PARN: variants seen among roughly 807,000 people sequenced by gnomAD.
The protein encoded by PARN is poly(A)-specific ribonuclease PARN.
Under a neutral mutation model 102.8 loss-of-function variants are expected in PARN, and 71 were observed. The observed-to-expected ratio is 0.69, with a 90% CI of 0.57 to 0.84. The LOEUF (loss-of-function observed/expected upper bound fraction) is 0.84, where lower values mean the gene tolerates loss of function less well. PARN is among the 40% of genes least tolerant of loss of function. The probability of loss-of-function intolerance (pLI) is 0.00; values close to 1 mark genes in which losing one functional copy is unlikely to be tolerated. For synonymous variants in PARN, 261 were observed against 252.9 expected (o/e 1.03, Z -0.30); for missense variants, 782 against 760.9 (o/e 1.03, Z -0.33).
rs567363541 is a variant in PARN, at chr16:14,595,800, G to A, written c.841-2422C>T. 3.0e-4 allele frequency among the ~76,000 whole-genome samples: 46 copies of A among 151,844 alleles called. 1 individual carries two copies. In the South Asian group the frequency reaches 9.6e-3, roughly 32 times the overall value. On this transcript the variant is annotated intron_variant, in intron 12 of 23. Coordinates refer to ENST00000437198, the MANE Select transcript of PARN (RefSeq NM_002582.4). ...CCCGCCTTGGCCTCTCAAAGTGCTG[G>A]GATTACAGGAGCGAGCCACCACACC...
intron 13 of PARN, among the ~76,000 whole-genome samples, chr16:14,589,496 T>G (rs1970041996): frequency 6.7e-6 from 1 of 149,812 alleles, no homozygotes; most frequent in Non-Finnish European, 1.5e-5. Flanking sequence ...GCCCAGGGAG[T>G]TGAGGCTGCA....
At chr16:14,616,637 G>C (rs1971921278) in intron 6 of PARN, among the ~76,000 whole-genome samples, 1 of 152,114 alleles carries the variant, frequency 6.6e-6, no homozygotes, top group African/African-American at 2.4e-5. Context: ...CCAGCTACTT[G>C]GGAGGGTGAG....
intron 21 of PARN, among the ~76,000 whole-genome samples, chr16:14,496,523 T>C (rs117149318): frequency 4.2e-4 from 64 of 152,252 alleles, no homozygotes; most frequent in Non-Finnish European, 7.9e-4. Context: ...CTTGAGGAAG[T>C]TGACAGACAG....
chr16:14,534,563 T>C (rs1461517878), intron 21 of PARN, among the ~76,000 whole-genome samples: 4 of 152,182 alleles, frequency 2.6e-5, no homozygotes, highest in Non-Finnish European at 1.5e-5. Flanking sequence ...CATAATATGC[T>C]ACGATCATTT....
chr16:14,532,012 A>G (rs1187677372), intron 21 of PARN, among the ~76,000 whole-genome samples: 1 of 151,954 alleles, frequency 6.6e-6, no homozygotes. Flanking sequence ...GCAGTGAGCT[A>G]TGATCGCACT....
rs548673359 is a variant in PARN at position 14,609,062 on chromosome 16, T to C, written c.616A>G (p.Thr206Ala). The C allele has an allele frequency of 8.3e-6, 13 of 1,566,112 alleles. No homozygotes were observed. Among genetic ancestry groups the C allele is most frequent in the Non-Finnish European group, 1.1e-5 (13 of 1,142,118 alleles). ...GAAATGTTCAGGACAACTAACCCGG[T>C]ACATGGCTCTAAATCCAAGTTCTTG... The part of the protein sequence containing the change: ...ENKNLDLEPC[T>A]GFQRKLIYQT... The change falls in exon 8 of 24, where the codon ACC becomes GCC. Residue 206 changes from threonine to alanine, a missense_variant. Transcript: ENST00000437198.
intron 21 of PARN, among the ~76,000 whole-genome samples, chr16:14,492,280 C>T (rs1964097652): frequency 6.6e-6 from 1 of 152,154 alleles, no homozygotes; most frequent in East Asian, 1.9e-4. Context: ...CTCAGGGCCT[C>T]CATGGCAGCG....
At chr16:14,456,878 C>G (rs1285952678) in intron 22 of PARN, among the ~76,000 whole-genome samples, 3 of 152,186 alleles carry the variant, frequency 2.0e-5, no homozygotes, top group African/African-American at 7.2e-5. Context: ...TTCCTCTGCC[C>G]TGTTTTATTT....
chr16:14,464,959 T>C (rs886891563), intron 22 of PARN, among the ~76,000 whole-genome samples: 1 of 152,144 alleles, frequency 6.6e-6, no homozygotes, highest in African/African-American at 2.4e-5. Context: ...TAAGACATGG[T>C]TGACTCCTTC....
Position 14,629,615 on chromosome 16 carries a change from T to C in PARN, c.79A>G (p.Ile27Val). 1 of 1,613,112 alleles carries C rather than the reference T, an allele frequency of 6.2e-7. No homozygotes were observed. The highest frequency in any genetic ancestry group is 2.2e-5 in the East Asian group (1 of 44,880). Reference sequence around the variant, plus strand: ...GGGATACCTGAAAACTCCCCATCGATGGCGAAGAAGTCGGCCTCCTCTATG... The same window carrying C: ...GGGATACCTGAAAACTCCCCATCGACGGCGAAGAAGTCGGCCTCCTCTATG... ...QAIEEADFFA[I>V]DGEFSGISDG... The change falls in exon 2 of 24, where the codon ATC becomes GTC. Residue 27 changes from isoleucine to valine, a missense_variant. Ile to Val is a conservative substitution (Grantham distance 29, BLOSUM62 3). Coordinates refer to ENST00000437198, the MANE Select transcript of PARN (RefSeq NM_002582.4).
chr16:14,559,908 C>CAG (rs1458525567), intron 18 of PARN, among the ~76,000 whole-genome samples: 1 of 152,206 alleles, frequency 6.6e-6, no homozygotes, highest in African/African-American at 2.4e-5. Context: ...AATTGTGAAA[C>CAG]TGACTCTAAA....
At chr16:14,441,624 GGA>G (rs1276996542) in intron 23 of PARN, among the ~76,000 whole-genome samples, 4 of 152,240 alleles carry the variant, frequency 2.6e-5, no homozygotes, top group African/African-American at 9.6e-5. Flanking sequence ...ATGACATCTT[GGA>G]GTTGCCAGGA....
At chr16:14,607,106 C>T (rs1477280558) in intron 9 of PARN, among the ~76,000 whole-genome samples, 3 of 151,964 alleles carry the variant, frequency 2.0e-5, no homozygotes, top group African/African-American at 7.2e-5. Flanking sequence ...TCTAAAATGT[C>T]CTACATCTCA....
At position 14,582,292 on chromosome 16, in the gene PARN, C is replaced by G; in HGVS notation, c.1082-1G>C. Reference sequence around the variant, plus strand: ...TAACTTGGAAAACCTTCGGCACTTTCTAAGAAAAAAAAGGAAAAAGTTTTC... The same window carrying G: ...TAACTTGGAAAACCTTCGGCACTTTGTAAGAAAAAAAAGGAAAAAGTTTTC... On this transcript the variant is annotated splice_acceptor_variant, in intron 16 of 23. Coordinates refer to ENST00000437198, the MANE Select transcript of PARN (RefSeq NM_002582.4). LOFTEE classifies it high-confidence loss of function. The G allele has an allele frequency of 6.2e-7, 1 of 1,608,068 alleles. No homozygotes were observed. Among genetic ancestry groups the G allele is most frequent in the Non-Finnish European group, 8.5e-7 (1 of 1,175,938 alleles).
chr16:14,476,584 C>T (rs1963064239), intron 22 of PARN, among the ~76,000 whole-genome samples: 1 of 152,154 alleles, frequency 6.6e-6, no homozygotes, highest in Non-Finnish European at 1.5e-5. Context: ...AAGCCCAGCA[C>T]TTTGAGAGGC....
At chr16:14,565,848 T>C (rs376291450) in intron 18 of PARN, among the ~76,000 whole-genome samples, 9 of 152,188 alleles carry the variant, frequency 5.9e-5, no homozygotes, top group East Asian at 3.8e-4. Context: ...CATTTTCCCC[T>C]ATCTATGAGG....
Position 14,627,091 on chromosome 16 carries a change from A to G in PARN, c.327+15T>C, listed in dbSNP as rs780508767. 1.4e-5 allele frequency: 21 copies of G among 1,478,746 alleles called. No homozygotes were observed. In the Admixed American group the frequency reaches 3.0e-4, roughly 21 times the overall value. The allele number at this position is 1,478,746 out of a possible 1,614,324, so 91.6% of individuals were successfully genotyped here. A position where few individuals can be genotyped will look rare whatever the true frequency, so the allele number is the denominator to read the frequency against. ...CAGCAATTCAGAAAAGAAAAATCTC[A>G]ATTATGCTACTTACCTGACAAACAA... On this transcript the variant is annotated intron_variant, in intron 5 of 23. Transcript: ENST00000437198.
chr16:14,523,999 T>C (rs1249802682), intron 21 of PARN, among the ~76,000 whole-genome samples: 1 of 152,004 alleles, frequency 6.6e-6, no homozygotes, highest in Non-Finnish European at 1.5e-5. Flanking sequence ...TGTAACACAA[T>C]GGTTAAGTAT....
At chr16:14,610,210 T>TG (rs1971444699) in intron 7 of PARN, among the ~76,000 whole-genome samples, 1 of 152,226 alleles carries the variant, frequency 6.6e-6, no homozygotes, top group Admixed American at 6.5e-5. Context: ...TGCTGGCTCA[T>TG]GCCTGTAATC....
Sources: allele counts gnomAD v4.1 joint callset (sites outside exome capture counted in the v4.1 genomes callset), GRCh38; gene constraint gnomAD v4.1.1; transcripts MANE v1.5; gene names NCBI Gene and HGNC (gene_info 2026-07-23, HGNC 2026-07-21).